Variants in NRG1 observed in about 807,000 individuals in gnomAD.
NRG1 encodes the protein pro-neuregulin-1, membrane-bound isoform.
Under a neutral mutation model 63.8 loss-of-function variants are expected in NRG1, and 18 were observed. The observed-to-expected ratio is 0.28, with a 90% confidence interval of 0.19 to 0.42. The LOEUF (loss-of-function observed/expected upper bound fraction) is 0.42. Ranked by LOEUF, NRG1 falls within the 10% of genes least tolerant of loss-of-function variation. The pLI is 1.00. For synonymous variants in NRG1, 302 were observed against 301.3 expected, an observed-to-expected ratio of 1.00 and a Z score of -0.02; for missense variants, 762 against 814.7, an observed-to-expected ratio of 0.94 and a Z score of 0.79.
At chr8:32,525,195 A>G (rs1357946163) in intron 1 of NRG1, among the ~76,000 whole-genome samples, 1 of 152,132 alleles carries the variant, frequency 6.6e-6, no homozygotes. Flanking sequence ...CATTTGAGCC[A>G]AAGCTAAGGA....
At chr8:32,074,641 A>T (rs1352921664) in intron 1 of NRG1, among the ~76,000 whole-genome samples, 1 of 151,788 alleles carries the variant, frequency 6.6e-6, no homozygotes, top group Admixed American at 6.6e-5. Context: ...TAGTAGCTAT[A>T]TTTCTCTTCT....
rs137978342 is a variant in NRG1 at position 32,576,379 on chromosome 8, A to G, written c.101-19449A>G. Among the ~76,000 whole-genome samples, 34 of 152,210 alleles carry G rather than the reference A, an allele frequency of 2.2e-4. No homozygotes were observed. In the East Asian group the frequency reaches 4.8e-3, roughly 22 times the overall value. ...TTAAACCCTGTATTGACTCCTGGCTATTATTTTGAATATGAGTGCTAACAA... is the reference window on the plus strand; with the variant it reads ...TTAAACCCTGTATTGACTCCTGGCTGTTATTTTGAATATGAGTGCTAACAA... On this transcript the variant is annotated intron_variant, in intron 1 of 11. Transcript: ENST00000356819.
chr8:32,191,463 G>T (rs1455566445), intron 1 of NRG1, among the ~76,000 whole-genome samples: 2 of 152,154 alleles, frequency 1.3e-5, no homozygotes, highest in East Asian at 1.9e-4. Flanking sequence ...GAGTTTCTTA[G>T]ATGTAAATCG....
intron 1 of NRG1, among the ~76,000 whole-genome samples, chr8:32,046,352 A>T (rs1255566563): frequency 6.6e-6 from 1 of 152,120 alleles, no homozygotes; most frequent in African/African-American, 2.4e-5. Flanking sequence ...GATTATAGGG[A>T]TACAAAATGG....
At chr8:32,113,175 G>C (rs1832258855) in intron 1 of NRG1, among the ~76,000 whole-genome samples, 1 of 152,148 alleles carries the variant, frequency 6.6e-6, no homozygotes, top group Non-Finnish European at 1.5e-5. Context: ...CTGTATCTCA[G>C]AGAGTGGATC....
intron 1 of NRG1, among the ~76,000 whole-genome samples, chr8:32,444,700 A>G (rs1351201218): frequency 6.6e-6 from 1 of 152,228 alleles, no homozygotes; most frequent in African/African-American, 2.4e-5. Flanking sequence ...AATGAGGAAC[A>G]GCATTCTTTC....
At chr8:31,652,874 C>T (rs1043793167) in intron 1 of NRG1, among the ~76,000 whole-genome samples, 3 of 151,516 alleles carry the variant, frequency 2.0e-5, no homozygotes, top group Non-Finnish European at 4.4e-5. Flanking sequence ...CTCTTTCTCT[C>T]TCTCTGTGTC....
chr8:32,239,268 G>C (rs933660361), intron 1 of NRG1, among the ~76,000 whole-genome samples: 2 of 95,652 alleles, frequency 2.1e-5, no homozygotes, highest in Non-Finnish European at 4.0e-5. Flanking sequence ...ATGGAGGAAA[G>C]ATGAGCTTTA....
At chr8:31,930,227 T>C (rs1834752747) in intron 1 of NRG1, among the ~76,000 whole-genome samples, 2 of 152,164 alleles carry the variant, frequency 1.3e-5, no homozygotes, top group African/African-American at 4.8e-5. Context: ...AGTTAACTGG[T>C]GAAAGAGCTA....
At chr8:32,415,049 G>A (rs1587494989) in intron 1 of NRG1, among the ~76,000 whole-genome samples, 1 of 152,174 alleles carries the variant, frequency 6.6e-6, no homozygotes, top group African/African-American at 2.4e-5. Flanking sequence ...GGAAGCATTT[G>A]AACAAAACTC....
chr8:32,485,811 A>G (rs1341718011), intron 1 of NRG1, among the ~76,000 whole-genome samples: 4 of 152,196 alleles, frequency 2.6e-5, no homozygotes, highest in Non-Finnish European at 5.9e-5. Flanking sequence ...ATCTCATAAT[A>G]CGTCTTATTT....
intron 5 of NRG1, among the ~76,000 whole-genome samples, chr8:32,673,227 T>G (rs1481259410): frequency 6.6e-6 from 1 of 152,106 alleles, no homozygotes; most frequent in African/African-American, 2.4e-5. Flanking sequence ...GAAAGTAAAA[T>G]CTCTTTCAAA....
intron 1 of NRG1, among the ~76,000 whole-genome samples, chr8:32,247,414 C>T (rs527679000): frequency 6.6e-5 from 10 of 152,070 alleles, no homozygotes; most frequent in African/African-American, 1.2e-4. Context: ...CAATGACTCC[C>T]GTGCAATTTG....
At chr8:32,697,320 A>T (rs991332434) in intron 5 of NRG1, among the ~76,000 whole-genome samples, 2 of 152,182 alleles carry the variant, frequency 1.3e-5, no homozygotes, top group African/African-American at 4.8e-5. Context: ...TTTCTTAGAG[A>T]TGCATGGGTA....
intron 1 of NRG1, among the ~76,000 whole-genome samples, chr8:32,490,678 A>C (rs1390967928): frequency 6.6e-6 from 1 of 152,216 alleles, no homozygotes; most frequent in Non-Finnish European, 1.5e-5. Context: ...CAACTGCCAG[A>C]GACCAAAATC....
intron 1 of NRG1, among the ~76,000 whole-genome samples, chr8:32,223,915 G>A (rs1264382487): frequency 6.6e-6 from 1 of 152,138 alleles, no homozygotes; most frequent in African/African-American, 2.4e-5. Context: ...AAGCAGAATA[G>A]AGAGAGAGGT....
At chr8:32,205,921 A>C (rs1844007913) in intron 1 of NRG1, among the ~76,000 whole-genome samples, 1 of 141,030 alleles carries the variant, frequency 7.1e-6, no homozygotes, top group Non-Finnish European at 1.5e-5. Flanking sequence ...CAGCACACCA[A>C]GACCATCTCT....
chr8:32,439,132 T>C (rs1819175239), intron 1 of NRG1, among the ~76,000 whole-genome samples: 1 of 152,202 alleles, frequency 6.6e-6, no homozygotes, highest in African/African-American at 2.4e-5. Flanking sequence ...TTTTACATAT[T>C]CACAGATCCA....
At chr8:32,059,368 A>C (rs989736) in intron 1 of NRG1, among the ~76,000 whole-genome samples, 2 of 151,944 alleles carry the variant, frequency 1.3e-5, no homozygotes, top group South Asian at 4.2e-4. Flanking sequence ...TGCATCGCTA[A>C]TGTCCTAAGT....
Sources: gnomAD v4.1 joint callset for allele counts (sites outside exome capture counted in the v4.1 genomes callset) on GRCh38, gnomAD v4.1.1 for gene constraint, MANE v1.5 for transcripts, NCBI Gene and HGNC (gene_info 2026-07-23, HGNC 2026-07-21) for gene names.